PMEPA1: variants seen among roughly 807,000 people sequenced by gnomAD.
PMEPA1 encodes the protein protein TMEPAI.
PMEPA1 carries 11 observed loss-of-function variants against 23.0 expected under a neutral mutation model. The observed-to-expected ratio is 0.48, with a 90% confidence interval of 0.30 to 0.79. The LOEUF (loss-of-function observed/expected upper bound fraction) is 0.79. Ranked by LOEUF, PMEPA1 falls within the 30% of genes least tolerant of loss-of-function variation. The pLI is 0.06. For missense variants in PMEPA1, 377 were observed against 390.9 expected (o/e 0.96, Z 0.30); for synonymous variants, 204 against 166.4 (o/e 1.23, Z -1.74).
chr20:57,662,780 C>T (rs2071440191), intron 1 of PMEPA1, among the ~76,000 whole-genome samples: 1 of 152,156 alleles, frequency 6.6e-6, no homozygotes, highest in East Asian at 1.9e-4. Context: ...CCCCCTTCCC[C>T]AGCTGTCTCC....
chr20:57,664,051 G>T (rs569996856), intron 1 of PMEPA1, among the ~76,000 whole-genome samples: 2 of 152,236 alleles, frequency 1.3e-5, no homozygotes, highest in South Asian at 4.1e-4. Context: ...CAGCTTTAGG[G>T]GACAGGAATG....
rs528003944 is a variant in PMEPA1 at position 57,654,979 on chromosome 20, G to A, written c.265-1893C>T. Among the ~76,000 whole-genome samples the A allele has an allele frequency of 2.2e-4, 29 of 130,926 alleles. No homozygotes were observed. In the Middle Eastern group the frequency reaches 0.014, roughly 61 times the overall value. 85.9% of individuals were successfully genotyped at this position (130,926 alleles called of 152,430 possible). On this transcript the variant is annotated intron_variant, in intron 2 of 3. Coordinates refer to ENST00000341744, the MANE Select transcript of PMEPA1 (RefSeq NM_020182.5). ...ACCCTGCCACTCCTCTGCTTAAACC[G>A]TCTGGGCCCCCCGCTGCCTCCAGGA...
intron 1 of PMEPA1, among the ~76,000 whole-genome samples, chr20:57,672,094 T>A (rs1343536696): frequency 2.0e-5 from 3 of 152,290 alleles, no homozygotes; most frequent in Non-Finnish European, 4.4e-5. Context: ...ATGAAGGGGC[T>A]ATCCCTTTTA....
intron 1 of PMEPA1, among the ~76,000 whole-genome samples, chr20:57,668,022 G>C (rs2146661027): frequency 6.6e-6 from 1 of 152,324 alleles, no homozygotes; most frequent in Admixed American, 6.5e-5. Flanking sequence ...TTGAGGTTTG[G>C]GGGGCGGGCG....
At chr20:57,672,897 C>T (rs1282117199) in intron 1 of PMEPA1, among the ~76,000 whole-genome samples, 1 of 152,220 alleles carries the variant, frequency 6.6e-6, no homozygotes, top group African/African-American at 2.4e-5. Context: ...ACTCTCTGTG[C>T]CTCGGTTTCC....
At chr20:57,706,426 G>A (rs1408196067) in intron 1 of PMEPA1, among the ~76,000 whole-genome samples, 2 of 152,160 alleles carry the variant, frequency 1.3e-5, no homozygotes, top group African/African-American at 4.8e-5. Context: ...GCTGTCACTC[G>A]TGCTGCCTGC....
chr20:57,686,629 A>G (rs1220588437), intron 1 of PMEPA1, among the ~76,000 whole-genome samples: 1 of 152,262 alleles, frequency 6.6e-6, no homozygotes, highest in East Asian at 1.9e-4. Flanking sequence ...CTAACCAGCC[A>G]CTAACACGGC....
At chr20:57,681,843 C>T (rs570193059) in intron 1 of PMEPA1, among the ~76,000 whole-genome samples, 28 of 152,312 alleles carry the variant, frequency 1.8e-4, no homozygotes, top group African/African-American at 5.5e-4. Context: ...CTCACCCTCT[C>T]GGCTTCTCCT....
rs2072147730 is a variant in PMEPA1, at chr20:57,709,896, G to A, written c.-314C>T. On this transcript the variant is annotated 5_prime_UTR_variant, in exon 1 of 4. Transcript: ENST00000341744. ...CGCCGGGGCTGAGCCTCTGCCGCTAGCTTTCCCCAGCCGAGCGCCTCCGCC... is the reference window on the plus strand; with the variant it reads ...CGCCGGGGCTGAGCCTCTGCCGCTAACTTTCCCCAGCCGAGCGCCTCCGCC... The A allele has an allele frequency of 9.9e-7, 1 of 1,006,370 alleles. No homozygotes were observed. Among genetic ancestry groups the A allele is most frequent in the Non-Finnish European group, 1.2e-6 (1 of 846,884 alleles). The allele number at this position is 1,006,370 out of a possible 1,614,324, so 62.3% of individuals were successfully genotyped here. A position where few individuals can be genotyped will look rare whatever the true frequency, so the allele number is the denominator to read the frequency against.
intron 2 of PMEPA1, among the ~76,000 whole-genome samples, chr20:57,654,681 C>G (rs138638912): frequency 1.3e-5 from 2 of 152,292 alleles, no homozygotes; most frequent in Non-Finnish European, 2.9e-5. Context: ...TTCTATCCAC[C>G]TCTCTCCCCA....
chr20:57,710,423 T>C, upstream of PMEPA1: 2 of 1,595,646 alleles, frequency 1.3e-6, no homozygotes, highest in South Asian at 1.1e-5. Flanking sequence ...GGAAGAGAAA[T>C]TGGAGAAAGG....
chr20:57,708,303 T>TG (rs1288443226), intron 1 of PMEPA1, among the ~76,000 whole-genome samples: 6 of 152,150 alleles, frequency 3.9e-5, no homozygotes, highest in Non-Finnish European at 8.8e-5. Flanking sequence ...AGGGTGGGGA[T>TG]GGGGAAACTA....
chr20:57,650,819 G>A lies in PMEPA1; in HGVS notation c.*1234C>T, dbSNP rs2071215645. 1 of 152,220 alleles carries A rather than the reference G, an allele frequency of 6.6e-6. No homozygotes were observed. Among genetic ancestry groups the A allele is most frequent in the Admixed American group, 6.5e-5 (1 of 15,282 alleles). 9.4% of individuals were successfully genotyped at this position (152,220 alleles called of 1,614,324 possible). A position where few individuals can be genotyped will look rare whatever the true frequency, so the allele number is the denominator to read the frequency against. On this transcript the variant is annotated 3_prime_UTR_variant, in exon 4 of 4. Transcript: ENST00000341744. ...GATCCGTGAAGGGAAACAGACAGGA[G>A]GAGGTCAGATTGCGAATACCTGGGG...
chr20:57,708,348 G>A (rs1050125703), intron 1 of PMEPA1, among the ~76,000 whole-genome samples: 11 of 152,212 alleles, frequency 7.2e-5, no homozygotes, highest in African/African-American at 2.4e-4. Context: ...CGAAAAGGTG[G>A]GCTGGGGGAC....
rs2072046366 is a variant in PMEPA1 at position 57,704,121 on chromosome 20, T to G, written c.109+5353A>C. 1.3e-5 allele frequency among the ~76,000 whole-genome samples: 2 copies of G among 152,146 alleles called. No homozygotes were observed. Among genetic ancestry groups the G allele is most frequent in the Non-Finnish European group, 2.9e-5 (2 of 68,014 alleles). ...TGGTGACAGGGGAGACAAAAGGAAC[T>G]GCCAGCACTTAAAACCCAGGAGTTT... On this transcript the variant is annotated intron_variant, in intron 1 of 3. Transcript: ENST00000341744. The surrounding 1 kb of genome is among the most constrained non-coding windows in gnomAD (Gnocchi z 4.6).
intron 1 of PMEPA1, 96 bp downstream of exon 1, chr20:57,709,378 G>C: frequency 1.1e-6 from 1 of 890,186 alleles, no homozygotes; most frequent in Non-Finnish European, 1.4e-6. Context: ...CGGTCCGAGG[G>C]GGCGCGCAGG....
rs6064580 is a variant in PMEPA1 at position 57,655,682 on chromosome 20, T to C, written c.265-2596A>G. On this transcript the variant is annotated intron_variant, in intron 2 of 3. Coordinates refer to ENST00000341744, the MANE Select transcript of PMEPA1 (RefSeq NM_020182.5). The surrounding 1 kb of genome is among the most constrained non-coding windows in gnomAD (Gnocchi z 4.2). ...CTACAGCCACTGCTGACGAGCCCCCTGCTCCCAGCAGCCTCCAACCACTCC... is the reference window on the plus strand; with the variant it reads ...CTACAGCCACTGCTGACGAGCCCCCCGCTCCCAGCAGCCTCCAACCACTCC... Among the ~76,000 whole-genome samples, 19,048 of 152,182 alleles carry C rather than the reference T, an allele frequency of 0.13. 2,561 individuals are homozygous for C. The highest frequency in any genetic ancestry group is 0.34 in the African/African-American group (14,166 of 41,460).
intron 1 of PMEPA1, among the ~76,000 whole-genome samples, chr20:57,667,350 ATT>A (rs1473295934): frequency 2.0e-5 from 3 of 152,204 alleles, no homozygotes; most frequent in South Asian, 2.1e-4. Context: ...TCGCTGGAAA[ATT>A]TGTTAATGTG....
Position 57,656,545 on chromosome 20 carries a change from G to A in PMEPA1, c.264+2998C>T, listed in dbSNP as rs1281531600. ...GTGGCTGGGCGGTCACTGCAGTGAC[G>A]TTCTGCATCATGTCCCGAATACCCT... On this transcript the variant is annotated intron_variant, in intron 2 of 3. Transcript: ENST00000341744. This position sits in a 1 kb window ranked among gnomAD's most constrained non-coding sequence, Gnocchi z 4.7. Among the ~76,000 whole-genome samples, 25 of 152,152 alleles carry A rather than the reference G, an allele frequency of 1.6e-4. No homozygotes were observed. Among genetic ancestry groups the A allele is most frequent in the South Asian group, 2.1e-4 (1 of 4,832 alleles).
Sources: allele counts gnomAD v4.1 joint callset (sites outside exome capture counted in the v4.1 genomes callset), GRCh38; gene constraint gnomAD v4.1.1; non-coding constraint Gnocchi (gnomAD v3.1); transcripts MANE v1.5; gene names NCBI Gene and HGNC (gene_info 2026-07-23, HGNC 2026-07-21).